Variants in SSBP2 observed in about 807,000 individuals in gnomAD.
SSBP2 encodes the protein single stranded DNA binding protein 2.
A neutral mutation model predicts 61.8 loss-of-function variants in SSBP2; 17 were observed. That is an observed-to-expected ratio of 0.28 (90% CI 0.19 to 0.41). The LOEUF (loss-of-function observed/expected upper bound fraction) is 0.41. Among genes scored for constraint, SSBP2 ranks in the 10% least tolerant of loss-of-function variants. SSBP2 has a pLI of 1.00. For synonymous variants in SSBP2, 139 were observed against 141.3 expected (o/e 0.98, Z 0.12); for missense variants, 310 against 458.7 (o/e 0.68, Z 2.96).
rs1394905150 is a variant in SSBP2, at chr5:81,625,105, T to C, written c.198-9548A>G. On this transcript the variant is annotated intron_variant, in intron 3 of 16. Transcript: ENST00000320672. ...TATATAAAAATTTCACTAATATTTT[T>C]AACAAATGCTTTTGGCTGATATTAT... Among the ~76,000 whole-genome samples the C allele has an allele frequency of 6.6e-5, 10 of 152,314 alleles. No homozygotes were observed. The East Asian group carries it at 1.9e-3, about 29-fold the overall frequency.
intron 3 of SSBP2, among the ~76,000 whole-genome samples, chr5:81,632,164 G>A (rs539063771): frequency 1.3e-5 from 2 of 152,060 alleles, no homozygotes; most frequent in Non-Finnish European, 1.5e-5. Flanking sequence ...AATGTCTTAC[G>A]CATTTCTTTT....
intron 1 of SSBP2, among the ~76,000 whole-genome samples, chr5:81,711,403 G>A (rs1394938653): frequency 6.6e-6 from 1 of 151,948 alleles, no homozygotes; most frequent in African/African-American, 2.4e-5. Context: ...TTTTCCTACA[G>A]CTCATCGCTT....
At chr5:81,611,935 A>G (rs1012888535) in intron 4 of SSBP2, among the ~76,000 whole-genome samples, 1 of 152,136 alleles carries the variant, frequency 6.6e-6, no homozygotes, top group African/African-American at 2.4e-5. Flanking sequence ...CATAGGGCAT[A>G]TGATTAACAA....
In SSBP2 at chr5:81,731,315, T is replaced by TA. The variant is rs575339762; in HGVS notation, c.62+19665dup. On this transcript the variant is annotated intron_variant, in intron 1 of 16. Coordinates refer to ENST00000320672, the MANE Select transcript of SSBP2 (RefSeq NM_012446.5). The stretch of plus-strand genomic sequence containing the variant: ...TTTATCTTTTTTAGAAGACCAAAGA[T>TA]AAAAAAATAGTAATAATAATGACTA... Among the ~76,000 whole-genome samples the TA allele has an allele frequency of 9.9e-5, 15 of 152,030 alleles. No individual in the cohort carries two copies. In the South Asian group the frequency reaches 1.7e-3, roughly 17 times the overall value.
At chr5:81,692,920 A>G (rs1024854238) in intron 1 of SSBP2, among the ~76,000 whole-genome samples, 2 of 152,116 alleles carry the variant, frequency 1.3e-5, no homozygotes, top group African/African-American at 4.8e-5. Flanking sequence ...GAAAATATTG[A>G]GGAGGCCAGG....
chr5:81,466,777 T>C (rs914170249), intron 9 of SSBP2, among the ~76,000 whole-genome samples, 197 bp downstream of exon 9: 5 of 151,908 alleles, frequency 3.3e-5, no homozygotes, highest in Non-Finnish European at 7.4e-5. Flanking sequence ...GTTGTGAAAA[T>C]GAAGCAAACA....
chr5:81,692,957 G>A (rs926194413), intron 1 of SSBP2, among the ~76,000 whole-genome samples: 9 of 152,104 alleles, frequency 5.9e-5, no homozygotes, highest in African/African-American at 2.2e-4. Flanking sequence ...TGTAATCCCA[G>A]CACTTTGGGA....
At position 81,440,404 on chromosome 5, in the gene SSBP2, A is replaced by T. The variant is rs182743316; in HGVS notation, c.928+154T>A. On this transcript the variant is annotated intron_variant, in intron 14 of 16. Coordinates refer to ENST00000320672, the MANE Select transcript of SSBP2 (RefSeq NM_012446.5). The stretch of plus-strand genomic sequence containing the variant: ...CAAGTGATCTACAGTTATAACCAAT[A>T]AAATGTCAATTAAACTATCTGTATG... 1.1e-3 allele frequency: 626 copies of T among 583,840 alleles called. 1 individual carries two copies. The highest frequency in any genetic ancestry group is 8.8e-3 in the African/African-American group (465 of 52,728). The allele number at this position is 583,840 out of a possible 1,614,324, so 36.2% of individuals were successfully genotyped here.
At chr5:81,579,235 TG>T (rs201684253) in intron 4 of SSBP2, among the ~76,000 whole-genome samples, 1,583 of 152,190 alleles carry the variant, frequency 0.01, 19 homozygotes, top group African/African-American at 0.036. Flanking sequence ...AGTTTCTTAT[TG>T]TTTTTTTTCA....
intron 4 of SSBP2, among the ~76,000 whole-genome samples, chr5:81,595,363 A>G (rs1743609397): frequency 6.6e-6 from 1 of 152,192 alleles, no homozygotes; most frequent in Admixed American, 6.5e-5. Context: ...CTTACTAACC[A>G]AAAAAACTCC....
At chr5:81,523,666 T>G (rs935378934) in intron 4 of SSBP2, among the ~76,000 whole-genome samples, 1 of 152,068 alleles carries the variant, frequency 6.6e-6, no homozygotes, top group Non-Finnish European at 1.5e-5. Flanking sequence ...AAGCATTTAT[T>G]GTCTTCGTAT....
At chr5:81,461,823 C>A (rs1764564683) in intron 9 of SSBP2, among the ~76,000 whole-genome samples, 1 of 152,108 alleles carries the variant, frequency 6.6e-6, no homozygotes, top group Non-Finnish European at 1.5e-5. Context: ...CTTCTAAGGA[C>A]ACTGAGTTTT....
At chr5:81,727,110 C>T (rs1426272618) in intron 1 of SSBP2, among the ~76,000 whole-genome samples, 1 of 152,192 alleles carries the variant, frequency 6.6e-6, no homozygotes, top group Non-Finnish European at 1.5e-5. Context: ...TAGTTACAAA[C>T]AGACCTAAGT....
intron 1 of SSBP2, among the ~76,000 whole-genome samples, chr5:81,736,143 A>AACACACACACACAC (rs58588638): frequency 1.3e-3 from 101 of 75,364 alleles, no homozygotes; most frequent in African/African-American, 3.3e-3. Context: ...ACTACCCTGA[A>AACACACACACACAC]ACACACACAC....
At chr5:81,594,316 A>G (rs1236291226) in intron 4 of SSBP2, among the ~76,000 whole-genome samples, 6 of 152,202 alleles carry the variant, frequency 3.9e-5, no homozygotes, top group Non-Finnish European at 7.3e-5. Flanking sequence ...TAGGCACCCA[A>G]TACAGGAGCA....
chr5:81,479,300 G>GT (rs528574686), intron 6 of SSBP2, among the ~76,000 whole-genome samples: 19 of 150,920 alleles, frequency 1.3e-4, no homozygotes, highest in South Asian at 1.0e-3. Flanking sequence ...TCTTTTTTTT[G>GT]TTTTTTTTGA....
chr5:81,670,872 G>A (rs574401813), intron 1 of SSBP2, among the ~76,000 whole-genome samples: 14 of 152,168 alleles, frequency 9.2e-5, no homozygotes, highest in East Asian at 3.9e-4. Flanking sequence ...TGACACATTC[G>A]GTGATGTCTT....
At chr5:81,495,368 A>G (rs1230629942) in intron 5 of SSBP2, among the ~76,000 whole-genome samples, 1 of 152,240 alleles carries the variant, frequency 6.6e-6, no homozygotes, top group African/African-American at 2.4e-5. Flanking sequence ...CATTGTCAAT[A>G]GAATCTAAAA....
intron 3 of SSBP2, among the ~76,000 whole-genome samples, chr5:81,617,739 C>T (rs1480437311): frequency 4.2e-5 from 4 of 94,598 alleles, no homozygotes; most frequent in African/African-American, 1.7e-4. Context: ...GCCCATCAGA[C>T]TAACAGCGGA....
Sources: allele counts gnomAD v4.1 joint callset (sites outside exome capture counted in the v4.1 genomes callset), GRCh38; gene constraint gnomAD v4.1.1; transcripts MANE v1.5; gene names NCBI Gene and HGNC (gene_info 2026-07-23, HGNC 2026-07-21).